The following DYNC2H1 variants were observed in gnomAD, a reference collection of about 807,000 sequenced individuals.
DYNC2H1 encodes the protein cytoplasmic dynein 2 heavy chain 1.
Under a neutral mutation model 570.0 loss-of-function variants are expected in DYNC2H1, and 410 were observed. That is an observed-to-expected ratio of 0.72 (90% CI 0.66 to 0.78). The LOEUF (loss-of-function observed/expected upper bound fraction) is 0.78, where lower values mean the gene tolerates loss of function less well. Ranked by LOEUF, DYNC2H1 falls within the 30% of genes least tolerant of loss-of-function variation. The probability of loss-of-function intolerance (pLI) is 0.00; values close to 1 mark genes in which losing one functional copy is unlikely to be tolerated. For missense variants in DYNC2H1, 4,865 were observed against 5,046.4 expected, an observed-to-expected ratio of 0.96 and a Z score of 1.09; for synonymous variants, 1,688 against 1,677.6, an observed-to-expected ratio of 1.01 and a Z score of -0.15.
intron 60 of DYNC2H1, among the ~76,000 whole-genome samples, 157 bp downstream of exon 60, chr11:103,231,503 A>G (rs1398478873): frequency 6.6e-6 from 1 of 152,038 alleles, no homozygotes; most frequent in Non-Finnish European, 1.5e-5. Flanking sequence ...GTACATTATT[A>G]TGTTTAAAAA....
intron 83 of DYNC2H1, among the ~76,000 whole-genome samples, chr11:103,399,075 C>G (rs1359063390): frequency 6.6e-6 from 1 of 150,500 alleles, no homozygotes; most frequent in African/African-American, 2.5e-5. Flanking sequence ...ACTTTCTTTT[C>G]TTACCATACT....
intron 75 of DYNC2H1, among the ~76,000 whole-genome samples, chr11:103,297,570 T>A (rs1866886688): frequency 6.6e-6 from 1 of 152,158 alleles, no homozygotes; most frequent in Non-Finnish European, 1.5e-5. Context: ...CTGTACTGAA[T>A]GCTATAGGCA....
At chr11:103,443,964 TCATGGAA>T (rs1267733636) in intron 85 of DYNC2H1, among the ~76,000 whole-genome samples, 20 of 151,904 alleles carry the variant, frequency 1.3e-4, no homozygotes, top group Admixed American at 1.3e-3. Flanking sequence ...CTTAAAAGAC[TCATGGAA>T]CAAAGTAACT....
intron 82 of DYNC2H1, among the ~76,000 whole-genome samples, chr11:103,355,250 A>G (rs979931250): frequency 2.0e-5 from 3 of 152,114 alleles, no homozygotes; most frequent in Non-Finnish European, 4.4e-5. Flanking sequence ...CCCTGTAACA[A>G]AAATGTAAAT....
chr11:103,365,383 T>G (rs1187926916), intron 83 of DYNC2H1, among the ~76,000 whole-genome samples: 5 of 152,026 alleles, frequency 3.3e-5, no homozygotes, highest in Non-Finnish European at 7.4e-5. Context: ...AAAAGTGTAT[T>G]GGCCTTTTGT....
chr11:103,273,117 T>C (rs546179961), intron 70 of DYNC2H1, among the ~76,000 whole-genome samples: 6 of 152,124 alleles, frequency 3.9e-5, no homozygotes, highest in African/African-American at 7.2e-5. Flanking sequence ...ATTCATTTTT[T>C]TCTCCCTTCC....
intron 47 of DYNC2H1, among the ~76,000 whole-genome samples, chr11:103,196,803 A>G (rs1862523686): frequency 6.6e-6 from 1 of 152,142 alleles, no homozygotes; most frequent in African/African-American, 2.4e-5. Flanking sequence ...GAAGATTTAG[A>G]TTTGGAGATT....
intron 18 of DYNC2H1, 135 bp downstream of exon 18, chr11:103,143,530 A>T: frequency 1.1e-6 from 1 of 874,264 alleles, no homozygotes; most frequent in African/African-American, 1.7e-5. Flanking sequence ...ACACTTGAGT[A>T]TCATCTAGGT....
Position 103,390,206 on chromosome 11 carries a change from G to T in DYNC2H1, c.12157-9457G>T, listed in dbSNP as rs562346561. Among the ~76,000 whole-genome samples the T allele has an allele frequency of 7.2e-5, 11 of 152,232 alleles. No individual in the cohort carries two copies. The East Asian group carries it at 1.7e-3, about 24-fold the overall frequency. On this transcript the variant is annotated intron_variant, in intron 83 of 88. Transcript: ENST00000375735. The stretch of plus-strand genomic sequence containing the variant: ...CTGTATTGGGTGCATATATATTTAG[G>T]ATAGTTAGCTCTTCTTGTTGTATGG...
At chr11:103,460,079 C>A (rs545301528) in intron 87 of DYNC2H1, among the ~76,000 whole-genome samples, 2 of 151,818 alleles carry the variant, frequency 1.3e-5, no homozygotes, top group African/African-American at 4.8e-5. Flanking sequence ...AATTTGAACT[C>A]CTGGGCTCAA....
chr11:103,453,615 CATATATAT>C (rs66628059), intron 85 of DYNC2H1, among the ~76,000 whole-genome samples: 80 of 136,622 alleles, frequency 5.9e-4, no homozygotes, highest in African/African-American at 1.8e-3. Context: ...TTAGTTTAGA[CATATATAT>C]ATATATATAT....
chr11:103,365,356 C>G (rs548756301), intron 83 of DYNC2H1, among the ~76,000 whole-genome samples: 1 of 115,178 alleles, frequency 8.7e-6, no homozygotes, highest in Non-Finnish European at 2.0e-5. Flanking sequence ...AGCGAAATTC[C>G]GGCTCAGGAA....
At position 103,324,053 on chromosome 11, in the gene DYNC2H1, T is replaced by A; in HGVS notation, c.12039+63T>A. On this transcript the variant is annotated intron_variant, in intron 82 of 88. Transcript: ENST00000375735. The surrounding 1 kb of genome is among the most constrained non-coding windows in gnomAD (Gnocchi z 5.2). ...CTAGTGAGCCTGAAGGAGACAAAATTAAACTTGATTTAGTACTGTAGACCC... is the reference window on the plus strand; with the variant it reads ...CTAGTGAGCCTGAAGGAGACAAAATAAAACTTGATTTAGTACTGTAGACCC... 1 of 1,256,648 alleles carries A rather than the reference T, an allele frequency of 8.0e-7. No individual in the cohort carries two copies. Among genetic ancestry groups the A allele is most frequent in the Non-Finnish European group, 1.1e-6 (1 of 927,784 alleles). 77.8% of individuals were successfully genotyped at this position (1,256,648 alleles called of 1,614,324 possible).
intron 38 of DYNC2H1, among the ~76,000 whole-genome samples, chr11:103,178,363 G>GT (rs1861711720): frequency 6.6e-6 from 1 of 152,054 alleles, no homozygotes. Flanking sequence ...TTCTAAGGCA[G>GT]TAAGTGAAAG....
rs1437383949 is a variant in DYNC2H1, at chr11:103,264,649, A to G, written c.10695+4672A>G. 1.3e-5 allele frequency among the ~76,000 whole-genome samples: 2 copies of G among 152,222 alleles called. No homozygotes were observed. Among genetic ancestry groups the G allele is most frequent in the Non-Finnish European group, 2.9e-5 (2 of 68,026 alleles). ...CTCCAATAAAATTCAACACACCTTC[A>G]TGCTGAAAACTTCATAAACTAGGTA... On this transcript the variant is annotated intron_variant, in intron 70 of 88. Coordinates refer to ENST00000375735, the MANE Select transcript of DYNC2H1 (RefSeq NM_001377.3). This position sits in a 1 kb window ranked among gnomAD's most constrained non-coding sequence, Gnocchi z 4.8.
intron 83 of DYNC2H1, among the ~76,000 whole-genome samples, chr11:103,377,175 A>T (rs757331451): frequency 4.6e-5 from 7 of 152,162 alleles, no homozygotes; most frequent in Non-Finnish European, 8.8e-5. Context: ...GGAAGTTTTC[A>T]GCTATTATTA....
rs748144270 is a variant in DYNC2H1, at chr11:103,310,673, C to CTTTTTTTTTT, written c.11494-1189_11494-1180dup. On this transcript the variant is annotated intron_variant, in intron 78 of 88. Coordinates refer to ENST00000375735, the MANE Select transcript of DYNC2H1 (RefSeq NM_001377.3). ...ACTTAATACTTCAGTAGTGTATTTT[C>CTTTTTTTTTT]TTTTTTTTTTTTTTTTTTTTTTTTT... Among the ~76,000 whole-genome samples, 5 of 39,094 alleles carry CTTTTTTTTTT rather than the reference C, an allele frequency of 1.3e-4. 1 individual carries two copies. The highest frequency in any genetic ancestry group is 2.2e-4 in the Non-Finnish European group (4 of 17,872). The allele number at this position is 39,094 out of a possible 152,430, so 25.6% of individuals were successfully genotyped here.
intron 83 of DYNC2H1, among the ~76,000 whole-genome samples, chr11:103,386,799 C>T (rs371629444): frequency 6.6e-6 from 1 of 152,056 alleles, no homozygotes; most frequent in Non-Finnish European, 1.5e-5. Flanking sequence ...TGGTTTCCAG[C>T]TTCATCCATG....
intron 82 of DYNC2H1, among the ~76,000 whole-genome samples, chr11:103,333,217 A>G (rs1425561417): frequency 2.0e-5 from 3 of 152,180 alleles, no homozygotes; most frequent in African/African-American, 7.2e-5. Context: ...ATTGTTATAA[A>G]ATTGTGTGTG....
Sources: gnomAD v4.1 joint callset for allele counts (sites outside exome capture counted in the v4.1 genomes callset) on GRCh38, gnomAD v4.1.1 for gene constraint, Gnocchi (gnomAD v3.1) non-coding constraint, MANE v1.5 for transcripts, NCBI Gene and HGNC (gene_info 2026-07-23, HGNC 2026-07-21) for gene names.